FA2H: variants seen among roughly 807,000 people sequenced by gnomAD.
FA2H encodes the protein fatty acid 2-hydroxylase.
Under a neutral mutation model 44.9 loss-of-function variants are expected in FA2H, and 22 were observed. The ratio of observed to expected loss-of-function variants is 0.49; its 90% CI spans 0.35 to 0.70. The LOEUF is 0.70. Ranked by LOEUF, FA2H falls within the 30% of genes least tolerant of loss-of-function variation. FA2H has a pLI of 0.01. For synonymous variants in FA2H, 243 were observed against 213.2 expected, an observed-to-expected ratio of 1.14 and a Z score of -1.22; for missense variants, 501 against 504.9, an observed-to-expected ratio of 0.99 and a Z score of 0.07.
At chr16:74,735,618 A>G (rs1292220313) in intron 2 of FA2H, among the ~76,000 whole-genome samples, 4 of 152,234 alleles carry the variant, frequency 2.6e-5, no homozygotes, top group African/African-American at 9.6e-5. Flanking sequence ...CCCCACCCCA[A>G]AACCAGGTAG....
intron 1 of FA2H, among the ~76,000 whole-genome samples, chr16:74,758,468 G>T (rs1183765805): frequency 1.3e-5 from 2 of 151,838 alleles, no homozygotes; most frequent in Admixed American, 1.3e-4. Flanking sequence ...AAATTTTTAT[G>T]AACTATATTA....
intron 4 of FA2H, among the ~76,000 whole-genome samples, chr16:74,721,293 G>T (rs555840393): frequency 6.6e-6 from 1 of 151,898 alleles, no homozygotes; most frequent in South Asian, 2.1e-4. Flanking sequence ...TCAGCCTCCC[G>T]GGTAGCTGGG....
rs1332008652 is a variant in FA2H at position 74,772,516 on chromosome 16, C to G, written c.270+1970G>C. On this transcript the variant is annotated intron_variant, in intron 1 of 6. Transcript: ENST00000219368. ...CCCACACCCAGCACAGTGCTGTCAACCCATTAAGGAACCAGTTCCATGACT... is the reference window on the plus strand; with the variant it reads ...CCCACACCCAGCACAGTGCTGTCAAGCCATTAAGGAACCAGTTCCATGACT... Among the ~76,000 whole-genome samples the G allele has an allele frequency of 2.6e-5, 4 of 152,298 alleles. No homozygotes were observed. In the East Asian group the frequency reaches 7.7e-4, roughly 29 times the overall value.
In FA2H at chr16:74,740,664, ATAAT is replaced by A. The variant is rs879473495; in HGVS notation, c.271-553_271-550del. The stretch of plus-strand genomic sequence containing the variant: ...AATAATAATAATAATAATAATAATA[ATAAT>A]AAAATTTCTGCATAAATAAAAGAGG... On this transcript the variant is annotated intron_variant, in intron 1 of 6. Transcript: ENST00000219368. 3.3e-3 allele frequency among the ~76,000 whole-genome samples: 454 copies of A among 138,934 alleles called. 2 individuals carry two copies. The highest frequency in any genetic ancestry group is 0.022 in the Middle Eastern group (6 of 274). The allele number at this position is 138,934 out of a possible 152,430, so 91.1% of individuals were successfully genotyped here. A position where few individuals can be genotyped will look rare whatever the true frequency, so the allele number is the denominator to read the frequency against.
intron 1 of FA2H, among the ~76,000 whole-genome samples, chr16:74,747,350 GAAA>G (rs1423201653): frequency 8.6e-5 from 13 of 151,848 alleles, no homozygotes; most frequent in Admixed American, 7.9e-4. Flanking sequence ...AAGAAAGAAA[GAAA>G]GAAAAGTGAC....
chr16:74,770,845 G>A (rs1962892743), intron 1 of FA2H, among the ~76,000 whole-genome samples: 2 of 152,258 alleles, frequency 1.3e-5, no homozygotes, highest in South Asian at 4.1e-4. Context: ...TTGGGGCCCA[G>A]AAGTAAGGAT....
rs559457516 is a variant in FA2H, at chr16:74,714,040, G to A, written c.*150C>T. 2.6e-4 allele frequency: 160 copies of A among 616,240 alleles called. 1 individual carries two copies. Among genetic ancestry groups the A allele is most frequent in the Middle Eastern group, 4.3e-4 (1 of 2,316 alleles). The allele number at this position is 616,240 out of a possible 1,614,324, so 38.2% of individuals were successfully genotyped here. A position where few individuals can be genotyped will look rare whatever the true frequency, so the allele number is the denominator to read the frequency against. On this transcript the variant is annotated 3_prime_UTR_variant, in exon 7 of 7. Coordinates refer to ENST00000219368, the MANE Select transcript of FA2H (RefSeq NM_024306.5). ...GTCAGGAGGGCGGTCCTGCCTCAGG[G>A]CCCCCTCAGCACCTTCCACTAGGCT...
chr16:74,734,212 CT>C (rs1482092365), intron 2 of FA2H, among the ~76,000 whole-genome samples: 3 of 152,254 alleles, frequency 2.0e-5, no homozygotes, highest in Non-Finnish European at 4.4e-5. Context: ...GATGCCTCCA[CT>C]TCCCAGGCAT....
intron 6 of FA2H, among the ~76,000 whole-genome samples, 159 bp downstream of exon 6, chr16:74,716,188 T>G (rs1597537779): frequency 6.6e-6 from 1 of 152,146 alleles, no homozygotes; most frequent in Admixed American, 6.5e-5. Context: ...CTTGCCTGTC[T>G]CTGCACAGCT....
At chr16:74,727,455 G>T in intron 2 of FA2H, 69 bp from the exon 3 acceptor site, 1 of 1,526,664 alleles carries the variant, frequency 6.6e-7, no homozygotes, top group Non-Finnish European at 9.1e-7. Context: ...CCATTTCCTC[G>T]TTACAGCATC....
intron 6 of FA2H, among the ~76,000 whole-genome samples, chr16:74,714,692 G>A (rs1961655934): frequency 6.6e-6 from 1 of 152,134 alleles, no homozygotes; most frequent in Admixed American, 6.6e-5. Context: ...TCTCTTTGCT[G>A]TCCAACTAGC....
At chr16:74,736,534 C>T (rs1052904556) in intron 2 of FA2H, among the ~76,000 whole-genome samples, 1 of 152,208 alleles carries the variant, frequency 6.6e-6, no homozygotes, top group Admixed American at 6.5e-5. Context: ...ATAGCCTTTC[C>T]AGGCCCTGGG....
rs745930043 is a variant in FA2H at position 74,714,157 on chromosome 16, G to A, written c.*33C>T. 17 of 1,440,688 alleles carry A rather than the reference G, an allele frequency of 1.2e-5. No individual in the cohort carries two copies. Among genetic ancestry groups the A allele is most frequent in the African/African-American group, 7.1e-5 (5 of 70,794 alleles). The allele number at this position is 1,440,688 out of a possible 1,614,324, so 89.2% of individuals were successfully genotyped here. A position where few individuals can be genotyped will look rare whatever the true frequency, so the allele number is the denominator to read the frequency against. Reference sequence around the variant, plus strand: ...TGGGGGTCGGGAAGGGGCCAGGGCCGGGCTGAGGGCAGGACGGAGGGGGTG... The same window carrying A: ...TGGGGGTCGGGAAGGGGCCAGGGCCAGGCTGAGGGCAGGACGGAGGGGGTG... On this transcript the variant is annotated 3_prime_UTR_variant, in exon 7 of 7. Coordinates refer to ENST00000219368, the MANE Select transcript of FA2H (RefSeq NM_024306.5).
intron 6 of FA2H, 82 bp from the exon 7 acceptor site, chr16:74,714,351 G>T: frequency 1.2e-6 from 1 of 861,194 alleles, no homozygotes. Flanking sequence ...CCAGGGTAGG[G>T]ATAAGAGGTG....
intron 1 of FA2H, among the ~76,000 whole-genome samples, chr16:74,741,828 G>GTGTGTGTGTGTGTA (rs1962312822): frequency 2.1e-5 from 2 of 96,766 alleles, no homozygotes; most frequent in Non-Finnish European, 4.5e-5. Context: ...GTGTGTGTGT[G>GTGTGTGTGTGTGTA]TGTGTGTGTA....
intron 1 of FA2H, among the ~76,000 whole-genome samples, chr16:74,747,940 G>A (rs1962456463): frequency 6.6e-6 from 1 of 152,162 alleles, no homozygotes; most frequent in Non-Finnish European, 1.5e-5. Context: ...CCAACCAGAA[G>A]AGGGGACAAC....
At chr16:74,755,005 ACAAGCCAAGAAACAC>A (rs1464126169) in intron 1 of FA2H, among the ~76,000 whole-genome samples, 1 of 152,168 alleles carries the variant, frequency 6.6e-6, no homozygotes, top group African/African-American at 2.4e-5. Flanking sequence ...CGATACAACT[ACAAGCCAAGAAACAC>A]CAAAGGACAG....
chr16:74,770,317 T>C (rs1013268130), intron 1 of FA2H, among the ~76,000 whole-genome samples: 1 of 152,232 alleles, frequency 6.6e-6, no homozygotes, highest in Admixed American at 6.5e-5. Context: ...GCCAGGCATC[T>C]CTTTGAAAGG....
chr16:74,768,971 T>C (rs1357151858), intron 1 of FA2H, among the ~76,000 whole-genome samples: 1 of 152,106 alleles, frequency 6.6e-6, no homozygotes, highest in Non-Finnish European at 1.5e-5. Context: ...CATAGTCAGA[T>C]ATCTGCCAAC....
Sources: gnomAD v4.1 joint callset for allele counts (sites outside exome capture counted in the v4.1 genomes callset) on GRCh38, gnomAD v4.1.1 for gene constraint, MANE v1.5 for transcripts, NCBI Gene and HGNC (gene_info 2026-07-23, HGNC 2026-07-21) for gene names.